The following WSCD2 variants were observed in gnomAD, a reference collection of about 807,000 sequenced individuals.
The protein encoded by WSCD2 is sialate:O-sulfotransferase 2.
Under a neutral mutation model 55.7 loss-of-function variants are expected in WSCD2, and 28 were observed. That is an observed-to-expected ratio of 0.50 (90% CI 0.37 to 0.69). The LOEUF (loss-of-function observed/expected upper bound fraction) is 0.69, where lower values mean the gene tolerates loss of function less well. Ranked by LOEUF, WSCD2 falls within the 30% of genes least tolerant of loss-of-function variation. The pLI is 0.00. For synonymous variants in WSCD2, 301 were observed against 301.9 expected (o/e 1.00, Z 0.03); for missense variants, 616 against 762.1 (o/e 0.81, Z 2.26).
chr12:108,171,485 T>C (rs1880241023), intron 1 of WSCD2, among the ~76,000 whole-genome samples: 1 of 152,186 alleles, frequency 6.6e-6, no homozygotes, highest in Non-Finnish European at 1.5e-5. Context: ...TTTTAAGTCT[T>C]TGTATGAAAA....
intron 1 of WSCD2, among the ~76,000 whole-genome samples, chr12:108,174,157 A>G (rs1310077866): frequency 6.6e-6 from 1 of 152,068 alleles, no homozygotes; most frequent in Non-Finnish European, 1.5e-5. Context: ...CAGGATTTGG[A>G]TGTTAGTCTA....
At chr12:108,213,985 C>G (rs1025279465) in intron 4 of WSCD2, among the ~76,000 whole-genome samples, 10 of 152,224 alleles carry the variant, frequency 6.6e-5, no homozygotes, top group Non-Finnish European at 1.5e-5. Flanking sequence ...TTTGCTCTGA[C>G]TCAGTGGTGC....
In WSCD2 at chr12:108,227,042, C is replaced by A. The variant is rs188653401; in HGVS notation, c.857C>A (p.Thr286Asn). Residue 286 changes from threonine (T) to asparagine (N), a missense_variant, in exon 6 of 9, where the codon ACC becomes AAC. Transcript: ENST00000547525. ...AGTACHCGFP[T>N]TRFPLHDRED... ...ACCGCCTGCCACTGTGGGTTTCCCA[C>A]CACCCGATTCCCGCTCCATGACAGA... The A allele has an allele frequency of 6.2e-7, 1 of 1,614,224 alleles. No individual in the cohort carries two copies. The highest frequency in any genetic ancestry group is 2.2e-5 in the East Asian group (1 of 44,882).
intron 1 of WSCD2, among the ~76,000 whole-genome samples, chr12:108,186,277 C>T (rs1341500206): frequency 6.6e-6 from 1 of 152,100 alleles, no homozygotes; most frequent in Non-Finnish European, 1.5e-5. Context: ...AACCCCAGAC[C>T]CTCCTCCAAC....
chr12:108,154,812 T>C (rs1440281303), intron 1 of WSCD2, among the ~76,000 whole-genome samples: 1 of 152,244 alleles, frequency 6.6e-6, no homozygotes, highest in African/African-American at 2.4e-5. Flanking sequence ...CCAAATGAAC[T>C]CATTATTTAT....
intron 1 of WSCD2, chr12:108,167,709 A>G (rs1378064057): frequency 1.3e-5 from 2 of 152,228 alleles, no homozygotes; most frequent in African/African-American, 4.8e-5. Flanking sequence ...CACTTCTCCC[A>G]GATGCCCAAA....
At position 108,166,761 on chromosome 12, in the gene WSCD2, T is replaced by TTTTTCTTTCTTTCTTTCTTTCTTTCTTTC. The variant is rs1555225181; in HGVS notation, c.-551-28518_-551-28517insTCTTTCTTTCTTTCTTTCTTTCTTTCTTT. On this transcript the variant is annotated intron_variant, in intron 1 of 8. Coordinates refer to ENST00000547525, the MANE Select transcript of WSCD2 (RefSeq NM_014653.4). ...CTTTCTTTCCTTCTTTCTTTCTTTCTTTTCTTTCTTTCTTTCTTTCTTTCT... is the reference window on the plus strand; with the variant it reads ...CTTTCTTTCCTTCTTTCTTTCTTTCTTTTTCTTTCTTTCTTTCTTTCTTTCTTTCTTTCTTTCTTTCTTTCTTTCTTTCT... Among the ~76,000 whole-genome samples, 262 of 124,874 alleles carry TTTTTCTTTCTTTCTTTCTTTCTTTCTTTC rather than the reference T, an allele frequency of 2.1e-3. 3 individuals carry two copies. Among genetic ancestry groups the TTTTTCTTTCTTTCTTTCTTTCTTTCTTTC allele is most frequent in the African/African-American group, 7.5e-3 (246 of 32,682 alleles). 81.9% of individuals were successfully genotyped at this position (124,874 alleles called of 152,430 possible). A position where few individuals can be genotyped will look rare whatever the true frequency, so the allele number is the denominator to read the frequency against.
At chr12:108,229,952 G>C (rs1295544519) in intron 6 of WSCD2, among the ~76,000 whole-genome samples, 1 of 151,346 alleles carries the variant, frequency 6.6e-6, no homozygotes, top group Non-Finnish European at 1.5e-5. Flanking sequence ...AGAATTTTGT[G>C]ACATACATTA....
intron 1 of WSCD2, among the ~76,000 whole-genome samples, chr12:108,151,197 C>T (rs1247624655): frequency 1.3e-5 from 2 of 152,134 alleles, no homozygotes; most frequent in Non-Finnish European, 2.9e-5. Context: ...ACCCTGTTGA[C>T]ATTTGTGGTG....
In WSCD2 at chr12:108,248,943, G is replaced by A. The variant is rs946783381; in HGVS notation, c.*600G>A. ...GGGGAGGTAATGGTGCTCACAGTAG[G>A]TTAATTGGAGACACCATGTGGGGCC... On this transcript the variant is annotated 3_prime_UTR_variant, in exon 9 of 9. Coordinates refer to ENST00000547525, the MANE Select transcript of WSCD2 (RefSeq NM_014653.4). The surrounding 1 kb of genome is among the most constrained non-coding windows in gnomAD (Gnocchi z 4.3). The A allele has an allele frequency of 3.0e-6, 3 of 983,628 alleles. No homozygotes were observed. The highest frequency in any genetic ancestry group is 1.1e-4 in the East Asian group (1 of 8,806). 60.9% of individuals were successfully genotyped at this position (983,628 alleles called of 1,614,324 possible).
chr12:108,164,164 A>ATTTTTTTT, intron 1 of WSCD2, among the ~76,000 whole-genome samples: 1 of 15,520 alleles, frequency 6.4e-5, no homozygotes, highest in Non-Finnish European at 1.9e-4. Flanking sequence ...TTTTTTTTTC[A>ATTTTTTTT]GAGAGGGGGA....
At chr12:108,246,264 A>G (rs1890074248) in intron 8 of WSCD2, among the ~76,000 whole-genome samples, 2 of 152,236 alleles carry the variant, frequency 1.3e-5, no homozygotes, top group Admixed American at 1.3e-4. Flanking sequence ...ATGGGTATCC[A>G]TCACCCAGCA....
At chr12:108,239,450 C>G (rs952005683) in intron 7 of WSCD2, among the ~76,000 whole-genome samples, 1 of 152,198 alleles carries the variant, frequency 6.6e-6, no homozygotes, top group South Asian at 2.1e-4. Flanking sequence ...TGTCTGTCAT[C>G]ATCTGGGACC....
At chr12:108,130,608 G>C (rs1875404199) in intron 1 of WSCD2, among the ~76,000 whole-genome samples, 1 of 151,996 alleles carries the variant, frequency 6.6e-6, no homozygotes. Flanking sequence ...AGGTATCTTG[G>C]AAAGAGCCAA....
intron 7 of WSCD2, among the ~76,000 whole-genome samples, chr12:108,236,469 C>T (rs1889271712): frequency 6.6e-6 from 1 of 152,156 alleles, no homozygotes; most frequent in Non-Finnish European, 1.5e-5. Flanking sequence ...ATGTCTGTCC[C>T]ACTTGGGTCT....
intron 1 of WSCD2, among the ~76,000 whole-genome samples, chr12:108,171,000 AG>A (rs1016069248): frequency 4.6e-5 from 7 of 152,196 alleles, no homozygotes; most frequent in African/African-American, 9.7e-5. Context: ...GCCCTCAGCC[AG>A]GGTAAGGTAT....
At chr12:108,202,388 G>C (rs887911851) in intron 2 of WSCD2, among the ~76,000 whole-genome samples, 1 of 152,196 alleles carries the variant, frequency 6.6e-6, no homozygotes, top group Non-Finnish European at 1.5e-5. Flanking sequence ...CCTGTTGACA[G>C]ATAAGGAAAC....
intron 1 of WSCD2, among the ~76,000 whole-genome samples, chr12:108,194,520 C>G (rs539087895): frequency 6.6e-6 from 1 of 152,286 alleles, no homozygotes; most frequent in South Asian, 2.1e-4. Context: ...ACCTCCATTT[C>G]CTCATCTGTA....
intron 6 of WSCD2, among the ~76,000 whole-genome samples, chr12:108,228,039 G>A (rs543376739): frequency 4.7e-5 from 7 of 150,094 alleles, no homozygotes; most frequent in South Asian, 2.1e-4. Context: ...CAGTCATTAT[G>A]CCCTCTTTAC....
Sources: allele counts gnomAD v4.1 joint callset (sites outside exome capture counted in the v4.1 genomes callset), GRCh38; gene constraint gnomAD v4.1.1; non-coding constraint Gnocchi (gnomAD v3.1); transcripts MANE v1.5; gene names NCBI Gene and HGNC (gene_info 2026-07-23, HGNC 2026-07-21).